Variants in CCDC171 observed in about 807,000 individuals in gnomAD.
CCDC171 encodes coiled-coil domain containing 171, also known as coiled-coil domain-containing protein 171.
In CCDC171, 177 loss-of-function variants were observed where a neutral mutation model predicts 168.2. That is an observed-to-expected ratio of 1.05 (90% confidence interval 0.93 to 1.19). The LOEUF (loss-of-function observed/expected upper bound fraction) is 1.19. Ranked by LOEUF, CCDC171 falls within the 50% of genes most tolerant of loss-of-function variation. The pLI, the probability that CCDC171 is intolerant of heterozygous loss-of-function variation, is 0.00. For synonymous variants in CCDC171, 687 were observed against 540.8 expected (o/e 1.27, Z -3.75); for missense variants, 1,991 against 1,539.0 (o/e 1.29, Z -4.91).
At chr9:15,581,100 A>T (rs907344437) in intron 4 of CCDC171, among the ~76,000 whole-genome samples, 1 of 152,232 alleles carries the variant, frequency 6.6e-6, no homozygotes, top group Non-Finnish European at 1.5e-5. Context: ...ATACAAAATC[A>T]GTGTGCAAAA....
intron 24 of CCDC171, among the ~76,000 whole-genome samples, chr9:15,918,475 A>G (rs1055420604): frequency 1.3e-5 from 2 of 151,468 alleles, no homozygotes; most frequent in Non-Finnish European, 3.0e-5. Context: ...TACTATCTCA[A>G]TGGAGAAGAT....
intron 7 of CCDC171, among the ~76,000 whole-genome samples, chr9:15,642,850 T>G (rs2046749723): frequency 6.6e-6 from 1 of 152,032 alleles, no homozygotes; most frequent in African/African-American, 2.4e-5. Flanking sequence ...ATTTTTGGAG[T>G]GAAAACTAGA....
chr9:15,912,206 G>A (rs929477772), intron 24 of CCDC171, among the ~76,000 whole-genome samples: 1 of 152,162 alleles, frequency 6.6e-6, no homozygotes, highest in African/African-American at 2.4e-5. Flanking sequence ...CCATCTGTTT[G>A]TGTCCTTTCT....
the CCDC171 span, among the ~76,000 whole-genome samples, chr9:16,080,403 T>C: frequency 6.6e-6 from 1 of 152,228 alleles, no homozygotes; most frequent in Non-Finnish European, 1.5e-5. Flanking sequence ...TAAAACTTGG[T>C]TTGCCCATAG....
chr9:15,741,933 T>A (rs2054906466), intron 16 of CCDC171, among the ~76,000 whole-genome samples: 1 of 152,210 alleles, frequency 6.6e-6, no homozygotes, highest in African/African-American at 2.4e-5. Context: ...TCTACCTGTA[T>A]CTACATGCAC....
rs1006215718 is a variant in CCDC171, at chr9:15,671,867, C to T, written c.1076+5544C>T. 9.9e-5 allele frequency among the ~76,000 whole-genome samples: 15 copies of T among 152,254 alleles called. No individual in the cohort carries two copies. The East Asian group carries it at 2.7e-3, about 27-fold the overall frequency. On this transcript the variant is annotated intron_variant, in intron 9 of 25. Transcript: ENST00000380701. ...ATTTATAATCCTTTGGGTATATACC[C>T]AGTAATGGGATCGCTGCGTCAAGTG...
Position 15,561,259 on chromosome 9 carries a change from G to A in CCDC171, c.-111-2719G>A, listed in dbSNP as rs549288222. 6.6e-5 allele frequency among the ~76,000 whole-genome samples: 10 copies of A among 152,318 alleles called. No homozygotes were observed. In the South Asian group the frequency reaches 1.9e-3, roughly 28 times the overall value. On this transcript the variant is annotated intron_variant, in intron 1 of 25. Transcript: ENST00000380701. Reference sequence around the variant, plus strand: ...TTTTTAATACGATGCCTGGAGAAGGGAGTTTTGTGACAGTTGGAATGATGA... The same window carrying A: ...TTTTTAATACGATGCCTGGAGAAGGAAGTTTTGTGACAGTTGGAATGATGA...
Position 15,955,114 on chromosome 9 carries a change from G to T in CCDC171, c.3754-16495G>T, listed in dbSNP as rs548876628. 3.3e-5 allele frequency among the ~76,000 whole-genome samples: 5 copies of T among 152,176 alleles called. No individual in the cohort carries two copies. The South Asian group carries it at 6.2e-4, about 19-fold the overall frequency. ...TTTTCTGATTTTTTAAAAAATTGCT[G>T]TAGCTATCTGTGTGTCAAGGATCAG... is the stretch of plus-strand genomic sequence containing the variant. On this transcript the variant is annotated intron_variant, in intron 25 of 25. Coordinates refer to ENST00000380701, the MANE Select transcript of CCDC171 (RefSeq NM_173550.4).
In CCDC171 at chr9:15,757,870, T is replaced by G. The variant is rs539536087; in HGVS notation, c.2671+12239T>G. Among the ~76,000 whole-genome samples, 10 of 152,302 alleles carry G rather than the reference T, an allele frequency of 6.6e-5. No homozygotes were observed. In the South Asian group the frequency reaches 2.1e-3, roughly 32 times the overall value. On this transcript the variant is annotated intron_variant, in intron 18 of 25. Transcript: ENST00000380701. ...AAGCCTTGGCAACTTCCACATGGTGTTGAGCCTACGAGTGAACAGAAGTCA... is the reference window on the plus strand; with the variant it reads ...AAGCCTTGGCAACTTCCACATGGTGGTGAGCCTACGAGTGAACAGAAGTCA...
At chr9:15,904,026 T>G (rs1277444145) in intron 24 of CCDC171, among the ~76,000 whole-genome samples, 1 of 152,064 alleles carries the variant, frequency 6.6e-6, no homozygotes, top group African/African-American at 2.4e-5. Flanking sequence ...TGGGACTATG[T>G]GAAAAGACCA....
intron 1 of CCDC171, among the ~76,000 whole-genome samples, chr9:16,044,031 T>A (rs1042328407): frequency 1.3e-5 from 2 of 152,226 alleles, no homozygotes; most frequent in Admixed American, 1.3e-4. Flanking sequence ...AAACAGCATT[T>A]GATTGGGAAG....
chr9:15,665,501 C>A (rs1488598229), intron 8 of CCDC171, among the ~76,000 whole-genome samples: 6 of 152,136 alleles, frequency 3.9e-5, no homozygotes, highest in African/African-American at 1.4e-4. Context: ...AAAAACCAGG[C>A]CAGGAGCAGC....
intron 1 of CCDC171, among the ~76,000 whole-genome samples, chr9:16,055,534 G>GC (rs1359863482): frequency 1.3e-5 from 2 of 152,184 alleles, no homozygotes; most frequent in Non-Finnish European, 2.9e-5. Flanking sequence ...CATGTCCACT[G>GC]CCCCCTCAGC....
intron 1 of CCDC171, among the ~76,000 whole-genome samples, chr9:15,560,863 G>GT (rs1334846618): frequency 6.6e-6 from 1 of 152,046 alleles, no homozygotes; most frequent in Non-Finnish European, 1.5e-5. Context: ...CATCTTTGTG[G>GT]TTTTATCTAC....
At chr9:15,784,311 T>G (rs2057822314) in intron 20 of CCDC171, among the ~76,000 whole-genome samples, 198 bp from the exon 21 acceptor site, 1 of 152,196 alleles carries the variant, frequency 6.6e-6, no homozygotes, top group Non-Finnish European at 1.5e-5. Context: ...AAATGATAAC[T>G]AAGTGTGGCT....
intron 7 of CCDC171, among the ~76,000 whole-genome samples, chr9:15,647,876 A>G (rs1293429354): frequency 6.6e-6 from 1 of 152,212 alleles, no homozygotes; most frequent in African/African-American, 2.4e-5. Context: ...AAAAAGAAGG[A>G]ATCCTCCCTA....
intron 21 of CCDC171, among the ~76,000 whole-genome samples, chr9:15,789,523 T>A (rs558023873): frequency 1.3e-5 from 2 of 152,342 alleles, no homozygotes; most frequent in South Asian, 4.1e-4. Flanking sequence ...GGAAAAAGGC[T>A]TGCCTAATCT....
intron 6 of CCDC171, among the ~76,000 whole-genome samples, chr9:15,605,665 C>T (rs1372314648): frequency 7.6e-5 from 11 of 144,602 alleles, no homozygotes; most frequent in East Asian, 4.1e-4. Context: ...CCAGCCTGGG[C>T]GACAGAGCGA....
chr9:16,079,860 C>T, the CCDC171 span, among the ~76,000 whole-genome samples: 1 of 152,178 alleles, frequency 6.6e-6, no homozygotes, highest in Non-Finnish European at 1.5e-5. Flanking sequence ...ATATTAACTC[C>T]TTTATTCCTC....
Sources: gnomAD v4.1 joint callset for allele counts (sites outside exome capture counted in the v4.1 genomes callset) on GRCh38, gnomAD v4.1.1 for gene constraint, MANE v1.5 for transcripts, NCBI Gene and HGNC (gene_info 2026-07-23, HGNC 2026-07-21) for gene names.